The following SLC43A3 variants were observed in gnomAD, a reference collection of about 807,000 sequenced individuals.
SLC43A3 encodes the protein solute carrier family 43 member 3.
In SLC43A3, 33 loss-of-function variants were observed where a neutral mutation model predicts 53.3. The observed-to-expected ratio is 0.62, with a 90% CI of 0.47 to 0.83. The LOEUF (loss-of-function observed/expected upper bound fraction) is 0.83, where lower values mean the gene tolerates loss of function less well. SLC43A3 is among the 40% of genes least tolerant of loss of function. The pLI is 0.00. For synonymous variants in SLC43A3, 236 were observed against 246.2 expected (o/e 0.96, Z 0.39); for missense variants, 530 against 610.0 (o/e 0.87, Z 1.38).
At chr11:57,419,282 C>T (rs1942870896) in intron 7 of SLC43A3, among the ~76,000 whole-genome samples, 1 of 152,206 alleles carries the variant, frequency 6.6e-6, no homozygotes, top group Admixed American at 6.5e-5. Context: ...TCTTTATTCT[C>T]CTTGGTGACT....
chr11:57,415,025 A>G lies in SLC43A3; in HGVS notation c.851T>C (p.Val284Ala). Residue 284 changes from valine (V) to alanine (A), a missense_variant, in exon 10 of 14, where the codon GTG (valine) becomes GCG (alanine). Val to Ala is a moderately conservative substitution (Grantham distance 64). Around this residue, in one of 3 missense-constraint regions of SLC43A3, gnomAD observed 376 missense variants for 386.7 expected, o/e 0.97. Coordinates refer to ENST00000395124, the MANE Select transcript of SLC43A3 (RefSeq NM_199329.3). The stretch of plus-strand genomic sequence containing the variant: ...CCACAACTGTATCACAGACAGCCAC[A>G]CCAGGTGCCAGGCAAAGCGCCGAGA... ...AFSRRFAWHL[V>A]WLSVIQLWHY... The G allele has an allele frequency of 6.2e-7, 1 of 1,614,208 alleles. No homozygotes were observed.
At chr11:57,417,261 C>A (rs1206456282) in intron 8 of SLC43A3, among the ~76,000 whole-genome samples, 1 of 152,230 alleles carries the variant, frequency 6.6e-6, no homozygotes, top group Non-Finnish European at 1.5e-5. Flanking sequence ...ACTGCTTCAG[C>A]CAAAAGAATG....
intron 11 of SLC43A3, 79 bp from the exon 12 acceptor site, chr11:57,410,200 A>G: frequency 8.4e-7 from 1 of 1,190,074 alleles, no homozygotes; most frequent in Non-Finnish European, 1.2e-6. Context: ...GAAGATTGGA[A>G]AAAGGGGAGG....
chr11:57,421,604 G>A (rs1942991658), intron 5 of SLC43A3, among the ~76,000 whole-genome samples: 2 of 152,300 alleles, frequency 1.3e-5, no homozygotes, highest in Non-Finnish European at 1.5e-5. Context: ...TTGGTCCTCA[G>A]TCTGTGGCAG....
rs1439777183 is a variant in SLC43A3 at position 57,414,751 on chromosome 11, G to A, written c.944-20C>T. On this transcript the variant is annotated intron_variant, in intron 10 of 13. Coordinates refer to ENST00000395124, the MANE Select transcript of SLC43A3 (RefSeq NM_199329.3). ...TGCTGACTGCAGAAGGAAGAGAGAG[G>A]TTGGTTGATGAGAAGTTTCCAAAAC... 6.3e-7 allele frequency: 1 copy of A among 1,599,578 alleles called. No individual in the cohort carries two copies. Among genetic ancestry groups the A allele is most frequent in the East Asian group, 2.2e-5 (1 of 44,818 alleles).
At chr11:57,419,709 T>A (rs1418526461) in intron 7 of SLC43A3, among the ~76,000 whole-genome samples, 3 of 151,410 alleles carry the variant, frequency 2.0e-5, no homozygotes, top group Non-Finnish European at 4.4e-5. Context: ...GGCAGGAGAA[T>A]TGCTTAAACC....
intron 7 of SLC43A3, among the ~76,000 whole-genome samples, chr11:57,419,412 A>C (rs187506221): frequency 6.6e-6 from 1 of 152,242 alleles, no homozygotes; most frequent in Non-Finnish European, 1.5e-5. Context: ...GGTGCAGTGA[A>C]TTGCTCAATA....
In SLC43A3 at chr11:57,417,878, C is replaced by G; in HGVS notation, c.541G>C (p.Glu181Gln). 6.2e-7 allele frequency: 1 copy of G among 1,614,036 alleles called. No homozygotes were observed. Residue 181 changes from glutamate to glutamine, a missense_variant, in exon 8 of 14, where the codon GAA (glutamate) becomes CAA (glutamine). This residue lies in a region of SLC43A3 where 376 missense variants were observed against 386.7 expected (regional missense o/e 0.97). Transcript: ENST00000395124. The stretch of plus-strand genomic sequence containing the variant: ...GAGGCCCTGAGGCTGATGCCTTTTT[C>G]ATAAAGAAGCTGCAGAAGGAGAAGG... ...AVFLIIKLLY[E>Q]KGISLRASFI...
chr11:57,415,258 G>A (rs527649458), intron 9 of SLC43A3, 152 bp from the exon 10 acceptor site: 421 of 1,534,848 alleles, frequency 2.7e-4, no homozygotes, highest in East Asian at 3.9e-4. Flanking sequence ...CACCTGCCTC[G>A]GACTCACACA....
intron 7 of SLC43A3, among the ~76,000 whole-genome samples, chr11:57,418,753 G>A (rs1452316526): frequency 6.6e-6 from 1 of 152,014 alleles, no homozygotes; most frequent in East Asian, 1.9e-4. Flanking sequence ...AGTGGGGCAT[G>A]GTGGCACGCA....
chr11:57,412,181 T>G (rs1392764440), intron 11 of SLC43A3, among the ~76,000 whole-genome samples: 1 of 152,192 alleles, frequency 6.6e-6, no homozygotes, highest in Non-Finnish European at 1.5e-5. Context: ...CCTGAACATT[T>G]AATTGTGTTA....
At chr11:57,422,123 A>G (rs985242076) in intron 5 of SLC43A3, among the ~76,000 whole-genome samples, 2 of 152,196 alleles carry the variant, frequency 1.3e-5, no homozygotes, top group African/African-American at 2.4e-5. Flanking sequence ...GCCACAACCT[A>G]TGCCTGTCCT....
Position 57,417,881 on chromosome 11 carries a change from A to G in SLC43A3, c.538T>C (p.Tyr180His), listed in dbSNP as rs1034911974. The G allele has an allele frequency of 3.1e-6, 5 of 1,614,108 alleles. No individual in the cohort carries two copies. Among genetic ancestry groups the G allele is most frequent in the Admixed American group, 1.7e-5 (1 of 60,002 alleles). Residue 180 changes from tyrosine (Y) to histidine (H), a missense_variant, in exon 8 of 14, where the codon TAT (tyrosine) becomes CAT (histidine). Tyr to His is a moderately conservative substitution (Grantham distance 83, BLOSUM62 2). This residue lies in a region of SLC43A3 where 376 missense variants were observed against 386.7 expected (regional missense o/e 0.97). Coordinates refer to ENST00000395124, the MANE Select transcript of SLC43A3 (RefSeq NM_199329.3). ...GCCCTGAGGCTGATGCCTTTTTCATAAAGAAGCTGCAGAAGGAGAAGGAAA... is the reference window on the plus strand; with the variant it reads ...GCCCTGAGGCTGATGCCTTTTTCATGAAGAAGCTGCAGAAGGAGAAGGAAA... ...SAVFLIIKLL[Y>H]EKGISLRASF...
At chr11:57,415,504 C>G (rs972712919) in intron 9 of SLC43A3, 4 of 843,550 alleles carry the variant, frequency 4.7e-6, no homozygotes, top group Non-Finnish European at 5.0e-6. Flanking sequence ...CAGCACCTCC[C>G]TTTCTTTTGA....
chr11:57,421,174 C>G, intron 6 of SLC43A3, 110 bp from the exon 7 acceptor site: 1 of 1,204,020 alleles, frequency 8.3e-7, no homozygotes, highest in Non-Finnish European at 1.2e-6. Flanking sequence ...CCCTCCACCG[C>G]TAGAGCTCCC....
At chr11:57,409,828 G>T in intron 12 of SLC43A3, 107 bp downstream of exon 12, 1 of 1,067,752 alleles carries the variant, frequency 9.4e-7, no homozygotes, top group Non-Finnish European at 1.3e-6. Context: ...CCAGTCTCCC[G>T]CACCTGACTG....
intron 4 of SLC43A3, among the ~76,000 whole-genome samples, 171 bp downstream of exon 4, chr11:57,425,368 TAG>T (rs981112551): frequency 6.6e-5 from 10 of 152,126 alleles, no homozygotes; most frequent in Admixed American, 2.0e-4. Flanking sequence ...TGGGCAAGTC[TAG>T]AGAGAGTCCC....
intron 13 of SLC43A3, 150 bp from the exon 14 acceptor site, chr11:57,408,046 T>C: frequency 1.7e-6 from 1 of 593,260 alleles, no homozygotes. Flanking sequence ...GACACTATGG[T>C]GCCCTGGAGG....
intron 11 of SLC43A3, among the ~76,000 whole-genome samples, chr11:57,413,232 G>C (rs7938637): frequency 2.0e-3 from 299 of 152,260 alleles, no homozygotes; most frequent in Middle Eastern, 6.8e-3. Context: ...GAAAAGGTAG[G>C]GGGGAGGACT....
Sources: gnomAD v4.1 joint callset for allele counts (sites outside exome capture counted in the v4.1 genomes callset) on GRCh38, gnomAD v4.1.1 for gene constraint, gnomAD v4.1.1 regional missense constraint, MANE v1.5 for transcripts, NCBI Gene and HGNC (gene_info 2026-07-23, HGNC 2026-07-21) for gene names.